Variants in EVC observed in about 807,000 individuals in gnomAD.
EVC encodes the protein EvC ciliary complex subunit 1.
Under a neutral mutation model 118.9 loss-of-function variants are expected in EVC, and 116 were observed. The observed-to-expected ratio is 0.98, with a 90% CI of 0.84 to 1.14. The LOEUF is 1.14. EVC is among the 50% of genes most tolerant of loss of function. The pLI, the probability that EVC is intolerant of heterozygous loss-of-function variation, is 0.00. For missense variants in EVC, 1,401 were observed against 1,246.4 expected, an observed-to-expected ratio of 1.12 and a Z score of -1.87; for synonymous variants, 619 against 534.7, an observed-to-expected ratio of 1.16 and a Z score of -2.18.
In EVC at chr4:5,812,154, C is replaced by A. The variant is rs1219018137; in HGVS notation, c.*1117C>A. 1 of 141,130 alleles carries A rather than the reference C, an allele frequency of 7.1e-6. No individual in the cohort carries two copies. The highest frequency in any genetic ancestry group is 2.9e-5 in the African/African-American group (1 of 34,522). The allele number at this position is 141,130 out of a possible 1,614,324, so 8.7% of individuals were successfully genotyped here. On this transcript the variant is annotated 3_prime_UTR_variant, in exon 21 of 21. Transcript: ENST00000264956. ...ACTTCCAGACCAGCCCCTCATACCA[C>A]AGCCAAGAGGGGCCTTTCTCACCTG...
In EVC at chr4:5,762,804, C is replaced by G. The variant is rs1374473610; in HGVS notation, c.1563+6442C>G. The stretch of plus-strand genomic sequence containing the variant: ...TTCATTGTAGATTCTGGATATTAGC[C>G]CTTTGTCACATGAGTAGGTTGCGAA... On this transcript the variant is annotated intron_variant, in intron 11 of 20. Transcript: ENST00000264956. 3.8e-3 allele frequency among the ~76,000 whole-genome samples: 276 copies of G among 71,984 alleles called. 10 individuals are homozygous for G. Among genetic ancestry groups the G allele is most frequent in the African/African-American group, 0.014 (266 of 19,282 alleles). The allele number at this position is 71,984 out of a possible 152,430, so 47.2% of individuals were successfully genotyped here.
intron 1 of EVC, among the ~76,000 whole-genome samples, chr4:5,713,478 G>A (rs1723384353): frequency 6.6e-6 from 1 of 152,084 alleles, no homozygotes; most frequent in Non-Finnish European, 1.5e-5. Context: ...AGGAGTTCGA[G>A]ACCAGCCTGG....
chr4:5,828,712 C>T, the EVC span: 2 of 1,599,174 alleles, frequency 1.3e-6, no homozygotes, highest in African/African-American at 2.7e-5. Context: ...TTTGCTCTGC[C>T]CCAAACGAGC....
In EVC at chr4:5,773,006, G is replaced by C. The variant is rs533005711; in HGVS notation, c.1564-10546G>C. On this transcript the variant is annotated intron_variant, in intron 11 of 20. Coordinates refer to ENST00000264956, the MANE Select transcript of EVC (RefSeq NM_153717.3). Reference sequence around the variant, plus strand: ...TCATCACATGTGCCACAGCCTGGGGGGAGCATGTGTGCACTGTCCCCTGTT... The same window carrying C: ...TCATCACATGTGCCACAGCCTGGGGCGAGCATGTGTGCACTGTCCCCTGTT... 5.7e-3 allele frequency among the ~76,000 whole-genome samples: 871 copies of C among 152,256 alleles called. 3 individuals carry two copies. Among genetic ancestry groups the C allele is most frequent in the Non-Finnish European group, 0.01 (682 of 68,036 alleles).
intron 13 of EVC, 78 bp downstream of exon 13, chr4:5,793,795 C>T (rs1713242340): frequency 2.6e-6 from 3 of 1,136,660 alleles, no homozygotes; most frequent in Non-Finnish European, 3.9e-6. Context: ...CTCATCTGTA[C>T]AGTGGGCACG....
chr4:5,786,201 A>G (rs1411472678), intron 12 of EVC, among the ~76,000 whole-genome samples: 1 of 152,252 alleles, frequency 6.6e-6, no homozygotes, highest in East Asian at 1.9e-4. Flanking sequence ...AAATGATTCC[A>G]TTCAGATAAT....
At chr4:5,790,902 T>C (rs1356887695) in intron 12 of EVC, among the ~76,000 whole-genome samples, 1 of 152,286 alleles carries the variant, frequency 6.6e-6, no homozygotes, top group African/African-American at 2.4e-5. Flanking sequence ...AAGACCAGCC[T>C]GTCCAACATG....
downstream of EVC, among the ~76,000 whole-genome samples, chr4:5,817,892 C>CCTA (rs1560463570): frequency 6.6e-6 from 1 of 152,118 alleles, no homozygotes; most frequent in Non-Finnish European, 1.5e-5. Context: ...TTTGGCTTTA[C>CCTA]GTAGATGAAG....
Position 5,794,245 on chromosome 4 carries a change from ATATATTTATATG to A in EVC, c.1886+532_1886+543del, listed in dbSNP as rs1190546309. Among the ~76,000 whole-genome samples the A allele has an allele frequency of 3.1e-3, 225 of 71,890 alleles. 1 individual carries two copies. Among genetic ancestry groups the A allele is most frequent in the African/African-American group, 8.5e-3 (204 of 24,052 alleles). The allele number at this position is 71,890 out of a possible 152,430, so 47.2% of individuals were successfully genotyped here. On this transcript the variant is annotated intron_variant, in intron 13 of 20. Transcript: ENST00000264956. ...GAGAAAAATATATATATATTTATAT[ATATATTTATATG>A]TATTTATATATTTATATATATTTAT...
the EVC span, chr4:5,825,184 C>A: frequency 1.0e-6 from 1 of 985,372 alleles, no homozygotes; most frequent in Non-Finnish European, 1.2e-6. This position sits in a 1 kb window ranked among gnomAD's most constrained non-coding sequence, Gnocchi z 4.4. Context: ...TGTTTACTTT[C>A]ATGAGGAAGA....
rs1729308679 is a variant in EVC at position 5,746,005 on chromosome 4, G to C, written c.939+664G>C. Among the ~76,000 whole-genome samples the C allele has an allele frequency of 6.6e-6, 1 of 152,206 alleles. No individual in the cohort carries two copies. Among genetic ancestry groups the C allele is most frequent in the African/African-American group, 2.4e-5 (1 of 41,456 alleles). ...TTCATTTTACCCCAGGCTTAGGAAA[G>C]CCTCCGTAGAAGAAGGGACCATGGA... is the stretch of plus-strand genomic sequence containing the variant. On this transcript the variant is annotated intron_variant, in intron 7 of 20. Transcript: ENST00000264956. This position sits in a 1 kb window ranked among gnomAD's most constrained non-coding sequence, Gnocchi z 5.8.
chr4:5,810,289 C>A, intron 19 of EVC, 50 bp from the exon 20 acceptor site: 1 of 1,465,688 alleles, frequency 6.8e-7, no homozygotes, highest in South Asian at 1.2e-5. Flanking sequence ...AAGAAGTTGT[C>A]ACTTGTCTAA....
At position 5,742,195 on chromosome 4, in the gene EVC, A is replaced by G. The variant is rs554934298; in HGVS notation, c.801+381A>G. ...AGTTTATTTTGTCTCAGGCGCAGCA[A>G]AGAGTCAGGGCTTGGAGTCAGACTG... is the stretch of plus-strand genomic sequence containing the variant. On this transcript the variant is annotated intron_variant, in intron 6 of 20. Transcript: ENST00000264956. The surrounding 1 kb of genome is among the most constrained non-coding windows in gnomAD (Gnocchi z 5.2). 9.3e-5 allele frequency among the ~76,000 whole-genome samples: 14 copies of G among 150,862 alleles called. No individual in the cohort carries two copies. In the South Asian group the frequency reaches 3.0e-3, roughly 33 times the overall value.
At position 5,761,564 on chromosome 4, in the gene EVC, G is replaced by A. The variant is rs115153573; in HGVS notation, c.1563+5202G>A. On this transcript the variant is annotated intron_variant, in intron 11 of 20. Coordinates refer to ENST00000264956, the MANE Select transcript of EVC (RefSeq NM_153717.3). ...ACAGTTACACACTTGAAAGACTTTC[G>A]TTAGTGCCTAGTAAATCTACAGTTT... Among the ~76,000 whole-genome samples, 14 of 151,908 alleles carry A rather than the reference G, an allele frequency of 9.2e-5. No individual in the cohort carries two copies. In the East Asian group the frequency reaches 1.2e-3, roughly 13 times the overall value.
rs1156741604 is a variant in EVC at position 5,811,008 on chromosome 4, A to T, written c.2950A>T (p.Lys984Ter). The change falls in exon 21 of 21, where the codon AAG becomes TAG. Residue 984 changes from lysine (K) to a stop codon, truncating the protein, a stop_gained. Transcript: ENST00000264956. LOFTEE classifies it high-confidence loss of function. ...AGCTGGGGACAGTGGGAACTCAAAG[A>T]AGATGCTAAAGAGAAGAAGCAACTT... ...SEAGDSGNSKKMLKRRSNL is the reference protein window; with the variant it reads ...SEAGDSGNSK The T allele has an allele frequency of 6.2e-7, 1 of 1,612,948 alleles. No homozygotes were observed. The highest frequency in any genetic ancestry group is 8.5e-7 in the Non-Finnish European group (1 of 1,179,334).
intron 11 of EVC, chr4:5,758,398 C>T (rs897904912): frequency 6.2e-5 from 24 of 390,042 alleles, no homozygotes; most frequent in African/African-American, 4.6e-4. Flanking sequence ...TCTTAAGTGC[C>T]TCTTGAGTAT....
intron 1 of EVC, among the ~76,000 whole-genome samples, chr4:5,715,996 C>T (rs1451008186): frequency 1.3e-5 from 2 of 152,208 alleles, no homozygotes; most frequent in Non-Finnish European, 2.9e-5. Flanking sequence ...CCTGCCTCGG[C>T]CTCCCAGAGT....
intron 12 of EVC, 67 bp downstream of exon 12, chr4:5,783,831 A>C: frequency 4.2e-6 from 6 of 1,433,232 alleles, no homozygotes; most frequent in South Asian, 1.2e-5. Flanking sequence ...AGCGTGAGAG[A>C]TCTCACGTCC....
At position 5,719,952 on chromosome 4, in the gene EVC, A is replaced by G. The variant is rs1207006364; in HGVS notation, c.300+579A>G. ...ATAAGCCTACTATGAATGTTGGTGC[A>G]TAAGTCTGTTTATTTTCATTTCATT... On this transcript the variant is annotated intron_variant, in intron 2 of 20. Transcript: ENST00000264956. The surrounding 1 kb of genome is among the most constrained non-coding windows in gnomAD (Gnocchi z 4.7). Among the ~76,000 whole-genome samples, 1 of 152,194 alleles carries G rather than the reference A, an allele frequency of 6.6e-6. No homozygotes were observed. The highest frequency in any genetic ancestry group is 2.4e-5 in the African/African-American group (1 of 41,446).
Sources: allele counts gnomAD v4.1 joint callset (sites outside exome capture counted in the v4.1 genomes callset), GRCh38; gene constraint gnomAD v4.1.1; non-coding constraint Gnocchi (gnomAD v3.1); transcripts MANE v1.5; gene names NCBI Gene and HGNC (gene_info 2026-07-23, HGNC 2026-07-21).